The following RIOK2 variants were observed in gnomAD, a reference collection of about 807,000 sequenced individuals.
RIOK2 encodes serine/threonine-protein kinase RIO2.
A neutral mutation model predicts 62.4 loss-of-function variants in RIOK2; 46 were observed. The observed-to-expected ratio is 0.74, with a 90% confidence interval of 0.58 to 0.94. The LOEUF is 0.94. Among genes scored for constraint, RIOK2 ranks in the 40% least tolerant of loss-of-function variants. RIOK2 has a pLI of 0.00. For missense variants in RIOK2, 574 were observed against 658.0 expected (o/e 0.87, Z 1.40); for synonymous variants, 197 against 216.0 (o/e 0.91, Z 0.77).
intron 2 of RIOK2, 45 bp from the exon 3 acceptor site, chr5:97,177,893 T>C: frequency 8.4e-7 from 1 of 1,194,272 alleles, no homozygotes; most frequent in Non-Finnish European, 1.2e-6. Context: ...AGTTACATTG[T>C]ACAACCAAGT....
intron 8 of RIOK2, chr5:97,167,165 C>T (rs1748866059): frequency 6.0e-6 from 7 of 1,162,664 alleles, no homozygotes; most frequent in Non-Finnish European, 7.5e-6. Flanking sequence ...GATTTGCCTG[C>T]CTTGGCCTCC....
Position 97,165,037 on chromosome 5 carries a change from G to A in RIOK2, c.1494+14C>T, listed in dbSNP as rs750302581. 1 of 1,539,668 alleles carries A rather than the reference G, an allele frequency of 6.5e-7. No homozygotes were observed. Among genetic ancestry groups the A allele is most frequent in the Non-Finnish European group, 8.9e-7 (1 of 1,123,722 alleles). ...ATGTAATAAACATTCAGTACATGTTGAATGACTACTTACTGGAGGAATTGT... is the reference window on the plus strand; with the variant it reads ...ATGTAATAAACATTCAGTACATGTTAAATGACTACTTACTGGAGGAATTGT... On this transcript the variant is annotated intron_variant, in intron 9 of 9. Coordinates refer to ENST00000283109, the MANE Select transcript of RIOK2 (RefSeq NM_018343.3).
In RIOK2 at chr5:97,171,160, CA is replaced by C. The variant is rs766690296; in HGVS notation, c.779+45del. 8 of 1,280,550 alleles carry C rather than the reference CA, an allele frequency of 6.2e-6. No homozygotes were observed. In the African/African-American group the frequency reaches 1.1e-4, roughly 17 times the overall value. The allele number at this position is 1,280,550 out of a possible 1,614,324, so 79.3% of individuals were successfully genotyped here. ...TGGGCAACAAGCAAAACTCCGTCTC[CA>C]AAAAAATAAAATAAAATAAAAATAA... is the stretch of plus-strand genomic sequence containing the variant. On this transcript the variant is annotated intron_variant, in intron 6 of 9. Coordinates refer to ENST00000283109, the MANE Select transcript of RIOK2 (RefSeq NM_018343.3).
At chr5:97,174,297 G>A (rs923061581) in intron 4 of RIOK2, among the ~76,000 whole-genome samples, 2 of 152,174 alleles carry the variant, frequency 1.3e-5, no homozygotes, top group Admixed American at 6.5e-5. Context: ...GCACATGCCT[G>A]TAGTCCCAGC....
intron 1 of RIOK2, among the ~76,000 whole-genome samples, chr5:97,180,146 A>ACATATATATATGTATATATATATG (rs1561522482): frequency 1.5e-4 from 5 of 33,108 alleles, no homozygotes; most frequent in African/African-American, 3.0e-4. Context: ...ATATATGTAT[A>ACATATATATATGTATATATATATG]TATATATATA....
Position 97,177,069 on chromosome 5 carries a change from T to C in RIOK2, c.498+47A>G, listed in dbSNP as rs543192162. 17 of 1,503,084 alleles carry C rather than the reference T, an allele frequency of 1.1e-5. No homozygotes were observed. In the South Asian group the frequency reaches 1.3e-4, roughly 11 times the overall value. 93.1% of individuals were successfully genotyped at this position (1,503,084 alleles called of 1,614,324 possible). On this transcript the variant is annotated intron_variant, in intron 4 of 9. Coordinates refer to ENST00000283109, the MANE Select transcript of RIOK2 (RefSeq NM_018343.3). ...TTGTCATTAAGGCCTTTGAGACACA[T>C]GTATTATTTGGCTAAAAAATGCATG...
rs1748998962 is a variant in RIOK2 at position 97,171,215 on chromosome 5, T to G, written c.770A>C (p.Asn257Thr). The part of the protein sequence containing the change: ...FPQMVSTSHP[N>T]AEWYFDRDVK... ...AATAGCAAGTACGTACCACTCAGCA[T>G]TGGGATGAGAAGTTGAAACCATCTG... Residue 257 changes from asparagine to threonine, a missense_variant, in exon 6 of 10, where the codon AAT becomes ACT. By Grantham distance (65) the Asn-to-Thr change is moderately conservative. Transcript: ENST00000283109. The G allele has an allele frequency of 6.4e-7, 1 of 1,559,114 alleles. No individual in the cohort carries two copies. Among genetic ancestry groups the G allele is most frequent in the Non-Finnish European group, 8.7e-7 (1 of 1,152,728 alleles).
At chr5:97,165,469 T>C (rs1748819993) in intron 8 of RIOK2, among the ~76,000 whole-genome samples, 1 of 152,194 alleles carries the variant, frequency 6.6e-6, no homozygotes, top group African/African-American at 2.4e-5. Context: ...CACTGAACTA[T>C]ATAAATCTGT....
At chr5:97,165,251 T>A (rs960733107) in intron 8 of RIOK2, 104 bp from the exon 9 acceptor site, 1 of 480,432 alleles carries the variant, frequency 2.1e-6, no homozygotes, top group Non-Finnish European at 3.4e-6. Context: ...ACTGAAGACA[T>A]AAAATACTTC....
At chr5:97,179,362 A>G (rs1561521589) in intron 1 of RIOK2, among the ~76,000 whole-genome samples, 169 bp from the exon 2 acceptor site, 1 of 152,220 alleles carries the variant, frequency 6.6e-6, no homozygotes, top group Non-Finnish European at 1.5e-5. Context: ...GCAATTTGAA[A>G]TCTAATCATT....
intron 8 of RIOK2, among the ~76,000 whole-genome samples, chr5:97,166,572 A>G (rs768388277): frequency 2.6e-5 from 4 of 152,222 alleles, no homozygotes; most frequent in Non-Finnish European, 5.9e-5. Flanking sequence ...ATTCTGAATA[A>G]GCAATCCCAA....
In RIOK2 at chr5:97,182,784, G is replaced by C. The variant is rs527517691; in HGVS notation, c.66+342C>G. 1.8e-4 allele frequency: 42 copies of C among 236,636 alleles called. 1 individual carries two copies. Among genetic ancestry groups the C allele is most frequent in the South Asian group, 7.9e-4 (16 of 20,204 alleles). 14.7% of individuals were successfully genotyped at this position (236,636 alleles called of 1,614,324 possible). The stretch of plus-strand genomic sequence containing the variant: ...AGTCAATATTATCAAATCTCGGGGG[G>C]GGGGGGGGGCTTAAACCTTTCACAG... On this transcript the variant is annotated intron_variant, in intron 1 of 9. Transcript: ENST00000283109.
intron 6 of RIOK2, 111 bp from the exon 7 acceptor site, chr5:97,168,963 A>AG: frequency 1.8e-6 from 1 of 544,366 alleles, no homozygotes; most frequent in Non-Finnish European, 3.2e-6. Flanking sequence ...TTACACAAGG[A>AG]GATAAAAGAT....
chr5:97,171,092 T>C (rs2432089), intron 6 of RIOK2, 114 bp downstream of exon 6: 369,737 of 626,794 alleles, frequency 0.59, 109,561 homozygotes, highest in East Asian at 0.63. Flanking sequence ...ACCCGGGAGG[T>C]GGAAGTTGCA....
intron 1 of RIOK2, among the ~76,000 whole-genome samples, chr5:97,179,765 G>A (rs1393112472): frequency 9.9e-6 from 1 of 100,702 alleles, no homozygotes; most frequent in East Asian, 3.4e-4. Context: ...TGAACAGTAA[G>A]AATACGTGGA....
rs142914308 is a variant in RIOK2, at chr5:97,167,500, A to G, written c.1364T>C (p.Leu455Ser). Residue 455 changes from leucine (L) to serine (S), a missense_variant, in exon 8 of 10, where the codon TTG (leucine) becomes TCG (serine). Leu to Ser is a moderately radical substitution (Grantham distance 145). Transcript: ENST00000283109. Reference protein sequence around the residue: ...YEDECPHLIALSSLNREFRPF... With the variant: ...YEDECPHLIASSSLNREFRPF... Reference sequence around the variant, plus strand: ...CCTGAATTCTCTATTTAATGACGACAAGGCAATTAGATGAGGGCATTCATC... The same window carrying G: ...CCTGAATTCTCTATTTAATGACGACGAGGCAATTAGATGAGGGCATTCATC... 277 of 1,614,054 alleles carry G rather than the reference A, an allele frequency of 1.7e-4. No individual in the cohort carries two copies. The highest frequency in any genetic ancestry group is 1.5e-3 in the Middle Eastern group (9 of 6,082).
chr5:97,180,148 A>G (rs866656625), intron 1 of RIOK2, among the ~76,000 whole-genome samples: 19 of 126,618 alleles, frequency 1.5e-4, no homozygotes, highest in South Asian at 2.4e-4. Context: ...ATATGTATAT[A>G]TATATATATA....
intron 4 of RIOK2, among the ~76,000 whole-genome samples, chr5:97,176,836 A>G (rs1749175636): frequency 6.6e-6 from 1 of 152,236 alleles, no homozygotes; most frequent in South Asian, 2.1e-4. Context: ...TTTGTGAGGT[A>G]ACAGCATCAT....
intron 4 of RIOK2, among the ~76,000 whole-genome samples, chr5:97,175,602 A>G (rs1252294464): frequency 6.6e-6 from 1 of 152,248 alleles, no homozygotes; most frequent in Non-Finnish European, 1.5e-5. Context: ...AACTATTAGT[A>G]TAAGAAGTAC....
Sources: gnomAD v4.1 joint callset for allele counts (sites outside exome capture counted in the v4.1 genomes callset) on GRCh38, gnomAD v4.1.1 for gene constraint, MANE v1.5 for transcripts, NCBI Gene and HGNC (gene_info 2026-07-23, HGNC 2026-07-21) for gene names.